The following WDR45B variants were observed in gnomAD, a reference collection of about 807,000 sequenced individuals.
WDR45B encodes WD repeat domain 45B.
A neutral mutation model predicts 44.6 loss-of-function variants in WDR45B; 20 were observed. The observed-to-expected ratio is 0.45, with a 90% CI of 0.32 to 0.65. The LOEUF is 0.65. Among genes scored for constraint, WDR45B ranks in the 30% least tolerant of loss-of-function variants. The probability of loss-of-function intolerance (pLI) is 0.05; values close to 1 mark genes in which losing one functional copy is unlikely to be tolerated. For synonymous variants in WDR45B, 169 were observed against 164.9 expected, an observed-to-expected ratio of 1.02 and a Z score of -0.19; for missense variants, 323 against 430.2, an observed-to-expected ratio of 0.75 and a Z score of 2.20.
At chr17:82,627,346 G>C in intron 3 of WDR45B, 55 bp from the exon 4 acceptor site, 1 of 1,391,010 alleles carries the variant, frequency 7.2e-7, no homozygotes, top group Non-Finnish European at 1.0e-6. Flanking sequence ...ATGGCGCTGG[G>C]ATGCAGCGAT....
chr17:82,616,894 T>C (rs955019340), intron 8 of WDR45B, among the ~76,000 whole-genome samples: 2 of 152,144 alleles, frequency 1.3e-5, no homozygotes, highest in African/African-American at 4.8e-5. Flanking sequence ...CTCGGCTCAC[T>C]GCAGCCTCCA....
chr17:82,648,202 G>C (rs2046007070), intron 1 of WDR45B, 72 bp downstream of exon 1: 12 of 1,527,716 alleles, frequency 7.9e-6, no homozygotes, highest in Non-Finnish European at 1.1e-5. Context: ...GCCCAGGAGA[G>C]GCCTGAGAGC....
chr17:82,629,121 A>G (rs576643462), intron 3 of WDR45B, among the ~76,000 whole-genome samples: 56 of 152,334 alleles, frequency 3.7e-4, no homozygotes, highest in African/African-American at 1.3e-3. Flanking sequence ...GAAGTTTCTA[A>G]GGCTTTTTCA....
chr17:82,624,460 C>T (rs2045664796), intron 5 of WDR45B, among the ~76,000 whole-genome samples: 1 of 152,060 alleles, frequency 6.6e-6, no homozygotes, highest in Admixed American at 6.6e-5. Flanking sequence ...TGAGGTTTCA[C>T]CACGTTGACC....
intron 8 of WDR45B, 140 bp downstream of exon 8, chr17:82,617,156 G>A: frequency 3.8e-6 from 3 of 785,474 alleles, no homozygotes; most frequent in Non-Finnish European, 6.4e-6. Context: ...AAAATTAAAT[G>A]AAAAAGATTT....
intron 1 of WDR45B, among the ~76,000 whole-genome samples, chr17:82,647,258 T>A (rs12603129): frequency 6.6e-6 from 1 of 152,090 alleles, no homozygotes; most frequent in Admixed American, 6.5e-5. Context: ...TCTTCACATA[T>A]ACGGGATCAT....
At chr17:82,645,137 A>T (rs968128927) in intron 1 of WDR45B, among the ~76,000 whole-genome samples, 4 of 152,130 alleles carry the variant, frequency 2.6e-5, no homozygotes, top group African/African-American at 7.2e-5. Context: ...CTCTACTAGA[A>T]ATACCAAAAA....
At chr17:82,634,646 A>C (rs2045811732) in intron 2 of WDR45B, among the ~76,000 whole-genome samples, 1 of 151,996 alleles carries the variant, frequency 6.6e-6, no homozygotes, top group African/African-American at 2.4e-5. Context: ...GAAGGACCCG[A>C]GTGTCCACAG....
intron 3 of WDR45B, among the ~76,000 whole-genome samples, chr17:82,629,275 C>T (rs1339174056): frequency 6.6e-6 from 1 of 152,216 alleles, no homozygotes; most frequent in Non-Finnish European, 1.5e-5. Context: ...CATCTATAAG[C>T]TTCCTTTCCT....
chr17:82,631,659 T>C (rs1420941167), intron 2 of WDR45B, among the ~76,000 whole-genome samples: 3 of 148,060 alleles, frequency 2.0e-5, no homozygotes, highest in Non-Finnish European at 3.0e-5. Context: ...GCTAAAAAAA[T>C]AGTGAGTGCT....
intron 8 of WDR45B, 52 bp from the exon 9 acceptor site, chr17:82,616,697 C>T (rs879781896): frequency 6.2e-7 from 1 of 1,611,682 alleles, no homozygotes; most frequent in African/African-American, 1.3e-5. Context: ...GAAAAAAAAT[C>T]ACCTGCGTAA....
At chr17:82,627,135 GA>G (rs2045708043) in intron 4 of WDR45B, 68 bp downstream of exon 4, 1 of 1,280,648 alleles carries the variant, frequency 7.8e-7, no homozygotes, top group South Asian at 1.2e-5. Context: ...GCCAAAAATA[GA>G]AAAGTATTTC....
At chr17:82,637,516 G>A (rs1294445855) in intron 2 of WDR45B, among the ~76,000 whole-genome samples, 1 of 151,892 alleles carries the variant, frequency 6.6e-6, no homozygotes, top group Admixed American at 6.6e-5. Flanking sequence ...GATCCCACAG[G>A]TTGAAGGCTC....
chr17:82,632,768 C>T (rs375346101), intron 2 of WDR45B, among the ~76,000 whole-genome samples: 49 of 152,302 alleles, frequency 3.2e-4, no homozygotes, highest in African/African-American at 1.1e-3. Flanking sequence ...TGGCTCACAT[C>T]TGTAATCCCA....
In WDR45B at chr17:82,630,915, C is replaced by T. The variant is rs1421259614; in HGVS notation, c.244+6G>A. 5 of 1,611,382 alleles carry T rather than the reference C, an allele frequency of 3.1e-6. No individual in the cohort carries two copies. The highest frequency in any genetic ancestry group is 2.2e-5 in the East Asian group (1 of 44,882). Reference sequence around the variant, plus strand: ...GGCATGATTCTTCAATACACAATTACAGTACCTTTGTTGGGAGGGTATTTC... The same window carrying T: ...GGCATGATTCTTCAATACACAATTATAGTACCTTTGTTGGGAGGGTATTTC... On this transcript the variant is annotated splice_donor_region_variant and intron_variant, in intron 3 of 9. Coordinates refer to ENST00000392325, the MANE Select transcript of WDR45B (RefSeq NM_019613.4).
At chr17:82,628,089 C>T (rs1295165084) in intron 3 of WDR45B, among the ~76,000 whole-genome samples, 1 of 152,136 alleles carries the variant, frequency 6.6e-6, no homozygotes, top group Admixed American at 6.6e-5. Flanking sequence ...ACCTCCCAGG[C>T]TCAAGAGATT....
At chr17:82,617,466 C>T in intron 7 of WDR45B, 69 bp from the exon 8 acceptor site, 1 of 1,439,634 alleles carries the variant, frequency 6.9e-7, no homozygotes, top group Non-Finnish European at 9.7e-7. Context: ...TAACCCACAG[C>T]ACTTGTCGAC....
chr17:82,624,609 C>T (rs1027885149), intron 5 of WDR45B, among the ~76,000 whole-genome samples: 7 of 146,340 alleles, frequency 4.8e-5, no homozygotes, highest in African/African-American at 7.7e-5. Context: ...TTTACAATGA[C>T]GGAAATTTAT....
chr17:82,629,090 ACTGCTTT>A (rs1290456895), intron 3 of WDR45B, among the ~76,000 whole-genome samples: 11 of 152,332 alleles, frequency 7.2e-5, no homozygotes, highest in African/African-American at 2.4e-4. Context: ...CCTGCTGAAT[ACTGCTTT>A]CTTCTAAGTC....
Sources: gnomAD v4.1 joint callset for allele counts (sites outside exome capture counted in the v4.1 genomes callset) on GRCh38, gnomAD v4.1.1 for gene constraint, MANE v1.5 for transcripts, NCBI Gene and HGNC (gene_info 2026-07-23, HGNC 2026-07-21) for gene names.